DMD: variants seen among roughly 807,000 people sequenced by gnomAD.
DMD encodes the protein mutant dystrophin.
A neutral mutation model predicts 330.1 loss-of-function variants in DMD; 63 were observed. The observed-to-expected ratio is 0.19, with a 90% CI of 0.16 to 0.24. The LOEUF (loss-of-function observed/expected upper bound fraction) is 0.24, where lower values mean the gene tolerates loss of function less well. DMD is among the 10% of genes least tolerant of loss of function. The probability of loss-of-function intolerance (pLI) is 1.00; values close to 1 mark genes in which losing one functional copy is unlikely to be tolerated. For missense variants in DMD, 3,344 were observed against 2,684.1 expected (o/e 1.25, Z -5.43); for synonymous variants, 1,223 against 959.8 (o/e 1.27, Z -5.07).
chrX:32,184,307 T>C (rs1276646786), intron 44 of DMD, among the ~76,000 whole-genome samples: 1 of 111,170 alleles, frequency 9.0e-6, no homozygotes, highest in Non-Finnish European at 1.9e-5. Flanking sequence ...TAAAATTTTA[T>C]TGAAAATACA....
chrX:32,500,562 G>A (rs1285242771), intron 19 of DMD, among the ~76,000 whole-genome samples: 1 of 111,640 alleles, frequency 9.0e-6, no homozygotes, highest in African/African-American at 3.3e-5. Flanking sequence ...TGATAATACA[G>A]TTTCTAGGGG....
At chrX:32,740,668 T>C (rs1200484774) in intron 7 of DMD, among the ~76,000 whole-genome samples, 1 of 111,612 alleles carries the variant, frequency 9.0e-6, no homozygotes, top group East Asian at 2.8e-4. Context: ...AATCTCATCT[T>C]TTGGAGGGCA....
At chrX:32,067,648 G>T (rs1402999205) in intron 44 of DMD, among the ~76,000 whole-genome samples, 3 of 111,524 alleles carry the variant, frequency 2.7e-5, no homozygotes, top group African/African-American at 9.8e-5. Context: ...TAGGATAATG[G>T]CCTCTAGCTG....
chrX:32,413,984 G>T (rs1429297319), intron 29 of DMD, among the ~76,000 whole-genome samples: 4 of 111,157 alleles, frequency 3.6e-5, no homozygotes, highest in African/African-American at 1.3e-4. Context: ...GCCTCCCTAA[G>T]TGCTGGGATT....
chrX:32,514,452 G>T (rs2045645488), intron 18 of DMD, among the ~76,000 whole-genome samples: 1 of 112,105 alleles, frequency 8.9e-6, no homozygotes, highest in South Asian at 3.7e-4. Context: ...GTTAAAATAT[G>T]TTGTTAGTGC....
chrX:32,647,158 C>G (rs2059835275), intron 9 of DMD, among the ~76,000 whole-genome samples: 1 of 111,731 alleles, frequency 9.0e-6, no homozygotes, highest in South Asian at 3.8e-4. Context: ...CCTCTATTAT[C>G]TGCTGATACT....
intron 44 of DMD, among the ~76,000 whole-genome samples, chrX:32,164,911 G>A (rs764355473): frequency 2.7e-5 from 3 of 112,224 alleles, no homozygotes; most frequent in South Asian, 3.7e-4. Context: ...TTCAGAGGGA[G>A]CAAGTCCCAA....
chrX:32,859,268 G>A (rs970062496), intron 2 of DMD, among the ~76,000 whole-genome samples: 5 of 110,239 alleles, frequency 4.5e-5, no homozygotes, highest in Non-Finnish European at 9.5e-5. Context: ...AGGAGTTCGA[G>A]ACCAGCCTGG....
chrX:33,339,370 A>C, exon 1 of DMD: 1 of 893,679 alleles, frequency 1.1e-6, no homozygotes, highest in Admixed American at 2.5e-5. Context: ...CATCTTCCTG[A>C]AAGCATTCTA....
intron 1 of DMD, among the ~76,000 whole-genome samples, chrX:33,114,798 C>T (rs769099856): frequency 8.9e-5 from 10 of 112,030 alleles, no homozygotes; most frequent in African/African-American, 3.2e-4. Flanking sequence ...CTGTGTTTAA[C>T]ACTTTGATAA....
intron 62 of DMD, among the ~76,000 whole-genome samples, chrX:31,264,615 C>T (rs1448779801): frequency 8.9e-6 from 1 of 112,059 alleles, no homozygotes; most frequent in Non-Finnish European, 1.9e-5. Flanking sequence ...TTCCCCTCTC[C>T]TTCTTCTTTC....
At chrX:31,462,481 A>T (rs1235133075) in intron 59 of DMD, among the ~76,000 whole-genome samples, 1 of 111,523 alleles carries the variant, frequency 9.0e-6, no homozygotes, top group Non-Finnish European at 1.9e-5. Context: ...TCAAAAAAAT[A>T]AAATAAAATA....
intron 44 of DMD, among the ~76,000 whole-genome samples, chrX:31,989,569 C>T (rs1023162394): frequency 7.3e-5 from 8 of 110,130 alleles, no homozygotes; most frequent in African/African-American, 2.6e-4. Flanking sequence ...TTTACAAGCG[C>T]AAGAAAAAAT....
rs1213158531 is a variant in DMD, at chrX:31,585,323, CAAAA to C, written c.8217+42346_8217+42349del. 9.2e-3 allele frequency among the ~76,000 whole-genome samples: 333 copies of C among 36,083 alleles called. 1 individual carries two copies. The highest frequency in any genetic ancestry group is 0.014 in the Non-Finnish European group (297 of 20,787). 31.3% of individuals were successfully genotyped at this position (36,083 alleles called of 115,157 possible). On this transcript the variant is annotated intron_variant, in intron 55 of 78. Transcript: ENST00000357033. Reference sequence around the variant, plus strand: ...TAGGCAACAGAGTGAGACCCTGTCTCAAAAAAAAAAAAAAAAAAAAAAAGAATGT... The same window carrying C: ...TAGGCAACAGAGTGAGACCCTGTCTCAAAAAAAAAAAAAAAAAAAGAATGT...
At chrX:31,852,738 A>G (rs1052390756) in intron 48 of DMD, among the ~76,000 whole-genome samples, 5 of 111,887 alleles carry the variant, frequency 4.5e-5, no homozygotes, top group Non-Finnish European at 9.4e-5. Context: ...CCTCATAAAT[A>G]TATGTACTTA....
intron 62 of DMD, among the ~76,000 whole-genome samples, chrX:31,306,498 C>T (rs2055046255): frequency 8.9e-6 from 1 of 111,963 alleles, no homozygotes; most frequent in Non-Finnish European, 1.9e-5. Flanking sequence ...AAATTTCCCA[C>T]AGATTTCCTT....
intron 1 of DMD, among the ~76,000 whole-genome samples, chrX:33,115,616 A>G (rs1472461665): frequency 9.4e-6 from 1 of 106,388 alleles, no homozygotes; most frequent in Non-Finnish European, 1.9e-5. Context: ...GGTTCACGCC[A>G]TTCTCCTGCC....
chrX:31,343,329 A>G (rs1406049403), intron 61 of DMD, among the ~76,000 whole-genome samples: 1 of 111,379 alleles, frequency 9.0e-6, no homozygotes, highest in East Asian at 2.8e-4. Flanking sequence ...GAAGTCAATT[A>G]GGAGTAGCAG....
chrX:32,057,867 G>T (rs751053732), intron 44 of DMD, among the ~76,000 whole-genome samples: 1 of 110,956 alleles, frequency 9.0e-6, no homozygotes, highest in Non-Finnish European at 1.9e-5. Flanking sequence ...AGTCAAGAGC[G>T]CACGATAGTG....
Sources: gnomAD v4.1 joint callset for allele counts (sites outside exome capture counted in the v4.1 genomes callset) on GRCh38, gnomAD v4.1.1 for gene constraint, MANE v1.5 for transcripts, NCBI Gene and HGNC (gene_info 2026-07-23, HGNC 2026-07-21) for gene names.